The following GSK3B variants were observed in gnomAD, a reference collection of about 807,000 sequenced individuals.
GSK3B encodes the protein glycogen synthase kinase 3 beta, also known as glycogen synthase kinase-3 beta.
A neutral mutation model predicts 56.4 loss-of-function variants in GSK3B; 15 were observed. The ratio of observed to expected loss-of-function variants is 0.27; its 90% CI spans 0.18 to 0.41. The LOEUF (loss-of-function observed/expected upper bound fraction) is 0.41. Ranked by LOEUF, GSK3B falls within the 10% of genes least tolerant of loss-of-function variation. GSK3B has a pLI of 1.00. For synonymous variants in GSK3B, 181 were observed against 188.9 expected, an observed-to-expected ratio of 0.96 and a Z score of 0.34; for missense variants, 300 against 513.4, an observed-to-expected ratio of 0.58 and a Z score of 4.02.
intron 7 of GSK3B, among the ~76,000 whole-genome samples, chr3:119,883,316 T>C (rs962740207): frequency 2.0e-5 from 3 of 151,962 alleles, no homozygotes; most frequent in Non-Finnish European, 4.4e-5. Flanking sequence ...CCTCACAATA[T>C]AGGAAAAAAA....
chr3:120,043,691 CT>C (rs2058081232), intron 1 of GSK3B, among the ~76,000 whole-genome samples: 1 of 152,188 alleles, frequency 6.6e-6, no homozygotes, highest in African/African-American at 2.4e-5. Context: ...GAACCACCCC[CT>C]CTAATTGTCC....
chr3:119,907,353 CA>C (rs2056692893), intron 6 of GSK3B, among the ~76,000 whole-genome samples: 1 of 151,960 alleles, frequency 6.6e-6, no homozygotes, highest in Non-Finnish European at 1.5e-5. Flanking sequence ...ATATGGAAGA[CA>C]AAAAGTAAAA....
chr3:120,051,160 T>A (rs1458728326), intron 1 of GSK3B, among the ~76,000 whole-genome samples: 2 of 146,528 alleles, frequency 1.4e-5, no homozygotes, highest in Admixed American at 6.9e-5. Context: ...GAGAAAAAAA[T>A]CAGTGGGCAA....
intron 7 of GSK3B, among the ~76,000 whole-genome samples, chr3:119,888,269 C>T (rs953686316): frequency 7.2e-5 from 11 of 152,126 alleles, no homozygotes; most frequent in Admixed American, 7.2e-4. Context: ...ACCCTGAACA[C>T]AGGGACCAGC....
In GSK3B at chr3:119,843,333, G is replaced by T. The variant is rs376972717; in HGVS notation, c.1117C>A (p.Leu373Met). Residue 373 changes from leucine to methionine, a missense_variant, in exon 10 of 11, where the codon CTG becomes ATG. This residue lies in a region of GSK3B where 88 missense variants were observed against 92.7 expected (regional missense o/e 0.95). Coordinates refer to ENST00000264235, the MANE Select transcript of GSK3B (RefSeq NM_001146156.2). Reference sequence around the variant, plus strand: ...TGAGGAGGAATAAGGATGGTAGCCAGAGGTGGATTACTTGACAGTTCTATA... The same window carrying T: ...TGAGGAGGAATAAGGATGGTAGCCATAGGTGGATTACTTGACAGTTCTATA... ...TTQELSSNPP[L>M]ATILIPPHAR... is the part of the protein sequence containing the mutation. 1.2e-6 allele frequency: 2 copies of T among 1,607,598 alleles called. No individual in the cohort carries two copies. Among genetic ancestry groups the T allele is most frequent in the African/African-American group, 2.7e-5 (2 of 74,762 alleles).
intron 10 of GSK3B, among the ~76,000 whole-genome samples, chr3:119,832,435 T>C (rs1310646260): frequency 6.6e-6 from 1 of 152,210 alleles, no homozygotes; most frequent in Non-Finnish European, 1.5e-5. Context: ...TGAGATAATG[T>C]TTACTCTTGT....
intron 10 of GSK3B, among the ~76,000 whole-genome samples, chr3:119,831,535 T>C (rs1486498311): frequency 2.0e-5 from 3 of 151,862 alleles, no homozygotes; most frequent in African/African-American, 7.2e-5. Flanking sequence ...CGGGCGCCTG[T>C]AGTCCCAGCT....
chr3:119,870,068 G>A (rs2056232731), intron 8 of GSK3B, among the ~76,000 whole-genome samples: 1 of 152,008 alleles, frequency 6.6e-6, no homozygotes, highest in African/African-American at 2.4e-5. Flanking sequence ...ATTCACCCAG[G>A]CTATAACAAT....
At chr3:119,922,282 G>C (rs1304180395) in intron 4 of GSK3B, among the ~76,000 whole-genome samples, 5 of 143,160 alleles carry the variant, frequency 3.5e-5, no homozygotes, top group Non-Finnish European at 4.6e-5. Context: ...AGGAAGGGAG[G>C]AGGGAAAAAT....
intron 7 of GSK3B, among the ~76,000 whole-genome samples, chr3:119,879,929 T>C (rs762782197): frequency 7.2e-5 from 11 of 152,186 alleles, no homozygotes; most frequent in African/African-American, 1.7e-4. Flanking sequence ...GCAATAAACA[T>C]AGGAGTGCAG....
chr3:119,865,651 A>G (rs1046355520), intron 8 of GSK3B, among the ~76,000 whole-genome samples: 30 of 149,950 alleles, frequency 2.0e-4, no homozygotes, highest in Middle Eastern at 3.4e-3. Context: ...TTGTATTTTT[A>G]GTAGAGATGG....
intron 7 of GSK3B, among the ~76,000 whole-genome samples, chr3:119,876,714 G>A (rs2056318647): frequency 6.6e-6 from 1 of 152,160 alleles, no homozygotes. Context: ...AGTGTTGAGA[G>A]GTGGGATGTT....
intron 1 of GSK3B, among the ~76,000 whole-genome samples, chr3:120,071,020 T>C (rs2058322457): frequency 6.6e-6 from 1 of 152,150 alleles, no homozygotes. Context: ...CCTTCTCAAA[T>C]AAAAACAAGG....
chr3:119,971,601 ATTTTTTTTTT>A (rs751790636), intron 2 of GSK3B, among the ~76,000 whole-genome samples: 7 of 83,856 alleles, frequency 8.3e-5, no homozygotes, highest in South Asian at 4.7e-4. Context: ...ATTTGCAATA[ATTTTTTTTTT>A]TTTTTTTTTT....
At position 119,824,653 on chromosome 3, in the gene GSK3B, TTC is replaced by T. The variant is rs2055472807; in HGVS notation, c.*2133_*2134del. On this transcript the variant is annotated 3_prime_UTR_variant, in exon 11 of 11. Coordinates refer to ENST00000264235, the MANE Select transcript of GSK3B (RefSeq NM_001146156.2). ...GCTGCCAAATACTTTGATTTCAGAC[TTC>T]TTTCAAATCTTAGCTTTCAGAAGCA... 5.1e-6 allele frequency: 1 copy of T among 197,986 alleles called. No individual in the cohort carries two copies. Among genetic ancestry groups the T allele is most frequent in the Admixed American group, 6.1e-5 (1 of 16,500 alleles). The allele number at this position is 197,986 out of a possible 1,614,324, so 12.3% of individuals were successfully genotyped here.
intron 6 of GSK3B, among the ~76,000 whole-genome samples, chr3:119,906,504 C>G (rs1385482185): frequency 1.3e-5 from 2 of 152,076 alleles, no homozygotes; most frequent in Non-Finnish European, 2.9e-5. Context: ...TCAATTAATA[C>G]ACTTTAAAAA....
intron 2 of GSK3B, among the ~76,000 whole-genome samples, chr3:119,993,084 G>A (rs1481364065): frequency 2.7e-5 from 4 of 149,536 alleles, no homozygotes; most frequent in Non-Finnish European, 3.0e-5. Flanking sequence ...AGGAAATATA[G>A]CTTAAAGAAA....
At chr3:120,008,006 T>C (rs1249339959) in intron 1 of GSK3B, among the ~76,000 whole-genome samples, 2 of 151,700 alleles carry the variant, frequency 1.3e-5, no homozygotes, top group South Asian at 2.1e-4. Context: ...GGCCAAACAC[T>C]CCTTAAGCTG....
At chr3:120,044,264 G>T (rs1281871688) in intron 1 of GSK3B, among the ~76,000 whole-genome samples, 2 of 152,190 alleles carry the variant, frequency 1.3e-5, no homozygotes, top group Non-Finnish European at 1.5e-5. Context: ...GTCTCTCACG[G>T]AATGGGAAAA....
Sources: gnomAD v4.1 joint callset for allele counts (sites outside exome capture counted in the v4.1 genomes callset) on GRCh38, gnomAD v4.1.1 for gene constraint, gnomAD v4.1.1 regional missense constraint, MANE v1.5 for transcripts, NCBI Gene and HGNC (gene_info 2026-07-23, HGNC 2026-07-21) for gene names.